The following PDE4D variants were observed in gnomAD, a reference collection of about 807,000 sequenced individuals.
PDE4D encodes the protein 3',5'-cyclic-AMP phosphodiesterase 4D.
Under a neutral mutation model 87.4 loss-of-function variants are expected in PDE4D, and 24 were observed. The ratio of observed to expected loss-of-function variants is 0.27; its 90% confidence interval spans 0.20 to 0.39. PDE4D has a LOEUF of 0.39. Among genes scored for constraint, PDE4D ranks in the 10% least tolerant of loss-of-function variants. PDE4D has a pLI of 1.00. For synonymous variants in PDE4D, 384 were observed against 383.2 expected (o/e 1.00, Z -0.02); for missense variants, 714 against 1,041.0 (o/e 0.69, Z 4.32).
chr5:59,479,480 A>T (rs1452278110), intron 1 of PDE4D, among the ~76,000 whole-genome samples: 1 of 152,132 alleles, frequency 6.6e-6, no homozygotes, highest in Non-Finnish European at 1.5e-5. Flanking sequence ...AATCCTTCCA[A>T]CCTGGATAAT....
intron 5 of PDE4D, among the ~76,000 whole-genome samples, chr5:59,154,171 G>A (rs908109432): frequency 1.3e-5 from 2 of 152,152 alleles, no homozygotes; most frequent in African/African-American, 4.8e-5. Flanking sequence ...GACATTTGCA[G>A]ATTAATTTTT....
intron 2 of PDE4D, among the ~76,000 whole-genome samples, chr5:60,166,864 A>AT (rs1782956275): frequency 6.6e-6 from 1 of 151,986 alleles, no homozygotes; most frequent in Non-Finnish European, 1.5e-5. Context: ...CACTTTTAAT[A>AT]TATCACCAAG....
At chr5:59,011,911 C>T (rs1233940450) in intron 6 of PDE4D, among the ~76,000 whole-genome samples, 1 of 152,150 alleles carries the variant, frequency 6.6e-6, no homozygotes, top group Non-Finnish European at 1.5e-5. Context: ...AGAGAAAGGT[C>T]GGGTTACCCA....
intron 1 of PDE4D, among the ~76,000 whole-genome samples, chr5:59,621,321 G>T (rs1830328313): frequency 6.6e-6 from 1 of 152,134 alleles, no homozygotes; most frequent in Non-Finnish European, 1.5e-5. Flanking sequence ...AAAAATTAAT[G>T]GATATCCTTT....
At chr5:60,151,481 T>C (rs1781490561) in intron 2 of PDE4D, among the ~76,000 whole-genome samples, 2 of 152,202 alleles carry the variant, frequency 1.3e-5, no homozygotes, top group Non-Finnish European at 2.9e-5. Flanking sequence ...CTTGGTTATG[T>C]TTATTCCTAA....
intron 1 of PDE4D, among the ~76,000 whole-genome samples, chr5:60,441,041 C>G (rs369833816): frequency 6.6e-6 from 1 of 152,050 alleles, no homozygotes; most frequent in Non-Finnish European, 1.5e-5. Flanking sequence ...ATGACTTATT[C>G]TGGTTGCGAT....
intron 1 of PDE4D, among the ~76,000 whole-genome samples, chr5:60,193,332 G>A (rs1340924667): frequency 6.6e-6 from 1 of 152,028 alleles, no homozygotes; most frequent in Non-Finnish European, 1.5e-5. Flanking sequence ...TACAAAATAG[G>A]TTCATATTAT....
intron 1 of PDE4D, among the ~76,000 whole-genome samples, chr5:59,862,120 T>C (rs1746367714): frequency 6.6e-6 from 1 of 152,082 alleles, no homozygotes; most frequent in South Asian, 2.1e-4. Context: ...TACTCCTGAG[T>C]GTTAATGCCT....
At chr5:59,374,714 G>A (rs1784442272) in intron 1 of PDE4D, among the ~76,000 whole-genome samples, 1 of 152,142 alleles carries the variant, frequency 6.6e-6, no homozygotes, top group Non-Finnish European at 1.5e-5. Flanking sequence ...CAAAACAACA[G>A]AATATACATT....
At chr5:60,270,457 A>T (rs1163117919) in intron 1 of PDE4D, among the ~76,000 whole-genome samples, 1 of 152,226 alleles carries the variant, frequency 6.6e-6, no homozygotes, top group East Asian at 1.9e-4. Flanking sequence ...CATAATTATG[A>T]CTATATACCT....
intron 5 of PDE4D, among the ~76,000 whole-genome samples, chr5:59,160,394 T>C (rs1441870451): frequency 2.6e-5 from 4 of 152,212 alleles, no homozygotes; most frequent in African/African-American, 4.8e-5. Flanking sequence ...CTATCTAGTG[T>C]ACAACCTTTA....
At chr5:59,172,269 C>T (rs7716276) in intron 5 of PDE4D, among the ~76,000 whole-genome samples, 107,842 of 120,988 alleles carry the variant, frequency 0.89, 48,261 homozygotes, top group African/African-American at 0.95. Context: ...TATATTTATA[C>T]AATTTATAAG....
At position 60,509,924 on chromosome 5, in the gene PDE4D, G is replaced by T. The variant is rs1437719883; in HGVS notation, n.70+12127C>A. Among the ~76,000 whole-genome samples the T allele has an allele frequency of 1.4e-4, 21 of 152,180 alleles. 1 individual carries two copies. The highest frequency in any genetic ancestry group is 1.4e-3 in the Admixed American group (21 of 15,282). ...AGGACGATGAAAGGGAATTAATCGG[G>T]TCAGGGCTGGTGCCAGTGGGACCAG... On this transcript the variant is annotated intron_variant and non_coding_transcript_variant, in intron 1 of 2. Coordinates refer to the PDE4D transcript ENST00000506510.
intron 1 of PDE4D, among the ~76,000 whole-genome samples, chr5:60,275,621 T>C (rs1751281547): frequency 2.6e-5 from 4 of 152,020 alleles, no homozygotes; most frequent in African/African-American, 9.7e-5. Context: ...CAAGGTTGTA[T>C]AAATTATTTT....
intron 5 of PDE4D, among the ~76,000 whole-genome samples, chr5:59,115,117 G>C (rs1207615146): frequency 3.3e-5 from 5 of 152,016 alleles, no homozygotes; most frequent in African/African-American, 1.2e-4. Context: ...CATTGAAGGG[G>C]ATGGGGATTA....
intron 1 of PDE4D, among the ~76,000 whole-genome samples, chr5:59,441,545 G>A (rs1313328433): frequency 1.3e-5 from 2 of 152,116 alleles, no homozygotes; most frequent in Non-Finnish European, 1.5e-5. Flanking sequence ...ACACCCTTCT[G>A]GACTGATTGC....
At chr5:58,993,328 AAAC>A in intron 7 of PDE4D, 41 bp downstream of exon 7, 1 of 1,184,046 alleles carries the variant, frequency 8.4e-7, no homozygotes, top group Non-Finnish European at 1.2e-6. Context: ...ACAAACAAGC[AAAC>A]AACTGAAGAA....
chr5:59,503,875 T>C (rs1208133346), intron 1 of PDE4D, among the ~76,000 whole-genome samples: 1 of 151,334 alleles, frequency 6.6e-6, no homozygotes, highest in Non-Finnish European at 1.5e-5. Context: ...ACATATGATT[T>C]TAAGCATATT....
At chr5:60,366,101 AT>A (rs1760520796) in intron 1 of PDE4D, among the ~76,000 whole-genome samples, 1 of 151,370 alleles carries the variant, frequency 6.6e-6, no homozygotes, top group South Asian at 2.1e-4. Context: ...AAATCCCACT[AT>A]TTCTGCTTGT....
Sources: gnomAD v4.1 joint callset for allele counts (sites outside exome capture counted in the v4.1 genomes callset) on GRCh38, gnomAD v4.1.1 for gene constraint, MANE v1.5 for transcripts, NCBI Gene and HGNC (gene_info 2026-07-23, HGNC 2026-07-21) for gene names.